The following MTA3 variants were observed in gnomAD, a reference collection of about 807,000 sequenced individuals.
The protein encoded by MTA3 is metastasis-associated protein MTA3.
MTA3 carries 34 observed loss-of-function variants against 83.5 expected under a neutral mutation model. That is an observed-to-expected ratio of 0.41 (90% CI 0.31 to 0.54). The LOEUF is 0.54. MTA3 is among the 20% of genes least tolerant of loss of function. The probability of loss-of-function intolerance (pLI) is 0.33; values close to 1 mark genes in which losing one functional copy is unlikely to be tolerated. For synonymous variants in MTA3, 303 were observed against 252.7 expected (o/e 1.20, Z -1.89); for missense variants, 761 against 726.4 (o/e 1.05, Z -0.55).
In MTA3 at chr2:42,644,264, T is replaced by C. The variant is rs765481760; in HGVS notation, c.499+20T>C. On this transcript the variant is annotated intron_variant, in intron 6 of 16. Transcript: ENST00000405094. The stretch of plus-strand genomic sequence containing the variant: ...TAGAAGGTACGTTTTTCTGCGTGTT[T>C]GCAGTTTTGTGAAACAAATATATCT... 1.8e-5 allele frequency: 27 copies of C among 1,530,082 alleles called. No individual in the cohort carries two copies. In the Admixed American group the frequency reaches 4.2e-4, roughly 24 times the overall value. 94.8% of individuals were successfully genotyped at this position (1,530,082 alleles called of 1,614,324 possible).
intron 3 of MTA3, among the ~76,000 whole-genome samples, chr2:42,605,066 G>A (rs1262228578): frequency 5.3e-5 from 8 of 150,908 alleles, no homozygotes; most frequent in Admixed American, 1.3e-4. Flanking sequence ...AGCTGCCATT[G>A]TCATCCTGGC....
In MTA3 at chr2:42,532,379, G is replaced by A. The variant is rs377374643; in HGVS notation, c.-141+37125G>A. ...ACAAAAATTAGCCAGGTGTCATGGC[G>A]GGTGACTGTAATCCCAACTACCTGG... On this transcript the variant is annotated intron_variant, in intron 2 of 17. Transcript: ENST00000405592. 5.3e-5 allele frequency among the ~76,000 whole-genome samples: 8 copies of A among 152,188 alleles called. No homozygotes were observed. The East Asian group carries it at 5.8e-4, about 11-fold the overall frequency.
chr2:42,510,528 C>A (rs1674849766), intron 2 of MTA3, among the ~76,000 whole-genome samples: 1 of 152,156 alleles, frequency 6.6e-6, no homozygotes, highest in South Asian at 2.1e-4. Flanking sequence ...AAGGAGGGAA[C>A]TGTTCACTAT....
chr2:42,704,030 G>T, intron 11 of MTA3, 164 bp from the exon 12 acceptor site: 1 of 709,904 alleles, frequency 1.4e-6, no homozygotes, highest in Non-Finnish European at 2.3e-6. Flanking sequence ...GATGAGTAGT[G>T]TGAGTTCATT....
intron 8 of MTA3, among the ~76,000 whole-genome samples, chr2:42,679,397 A>G (rs1691666931): frequency 6.6e-6 from 1 of 152,196 alleles, no homozygotes; most frequent in South Asian, 2.1e-4. Context: ...CGCTATCATT[A>G]AGCAAATTGA....
intron 2 of MTA3, among the ~76,000 whole-genome samples, chr2:42,495,661 A>G (rs1674097144): frequency 6.6e-6 from 1 of 152,206 alleles, no homozygotes; most frequent in African/African-American, 2.4e-5. Flanking sequence ...GCACTTGCCC[A>G]CTGAAACAAT....
At chr2:42,642,644 GTT>G (rs1198386196) in intron 5 of MTA3, among the ~76,000 whole-genome samples, 4 of 135,756 alleles carry the variant, frequency 2.9e-5, no homozygotes, top group Non-Finnish European at 1.6e-5. Flanking sequence ...TGTTAAGTTG[GTT>G]TTTTTTTTTT....
At chr2:42,601,477 T>A (rs1156280540) in intron 3 of MTA3, among the ~76,000 whole-genome samples, 6 of 152,160 alleles carry the variant, frequency 3.9e-5, no homozygotes, top group Admixed American at 6.6e-5. Flanking sequence ...GCCTTGTCTG[T>A]TTTGTTGTTG....
chr2:42,699,482 T>C (rs1693672838), intron 11 of MTA3, among the ~76,000 whole-genome samples: 1 of 152,208 alleles, frequency 6.6e-6, no homozygotes, highest in African/African-American at 2.4e-5. Context: ...TAAGATCACC[T>C]GCTATATGTT....
At chr2:42,685,406 C>A (rs1317917481) in intron 9 of MTA3, among the ~76,000 whole-genome samples, 1 of 152,128 alleles carries the variant, frequency 6.6e-6, no homozygotes, top group Admixed American at 6.5e-5. Flanking sequence ...CTTTGAAAGT[C>A]ACACTTCAGA....
chr2:42,632,805 C>T (rs1196081396), intron 4 of MTA3, among the ~76,000 whole-genome samples: 1 of 152,138 alleles, frequency 6.6e-6, no homozygotes, highest in Non-Finnish European at 1.5e-5. Flanking sequence ...TTTGTGTACA[C>T]ACAAACAGAT....
Position 42,548,424 on chromosome 2 carries a change from C to T in MTA3, c.-140-22013C>T, listed in dbSNP as rs577660768. Among the ~76,000 whole-genome samples the T allele has an allele frequency of 2.1e-3, 312 of 152,096 alleles. 1 individual carries two copies. The highest frequency in any genetic ancestry group is 7.3e-3 in the African/African-American group (303 of 41,514). On this transcript the variant is annotated intron_variant, in intron 2 of 17. Transcript: ENST00000405592. ...GAGGTTGCAGTGAGCCGAAATTGCT[C>T]CACTGCACCCCAGCCTGGGCAGCAA...
At chr2:42,555,260 C>T (rs576577855) in intron 2 of MTA3, among the ~76,000 whole-genome samples, 44 of 150,976 alleles carry the variant, frequency 2.9e-4, no homozygotes, top group African/African-American at 8.8e-4. Context: ...GTCGGGAGTT[C>T]GAGACCAGCC....
At chr2:42,609,425 T>C in intron 3 of MTA3, 33 bp from the exon 4 acceptor site, 1 of 1,602,332 alleles carries the variant, frequency 6.2e-7, no homozygotes, top group Non-Finnish European at 8.5e-7. Flanking sequence ...ATGTGCTTTG[T>C]ACTAATAAAT....
At position 42,542,549 on chromosome 2, in the gene MTA3, A is replaced by T. The variant is rs188672977; in HGVS notation, c.-140-27888A>T. Among the ~76,000 whole-genome samples, 721 of 151,976 alleles carry T rather than the reference A, an allele frequency of 4.7e-3. 10 individuals carry two copies. The highest frequency in any genetic ancestry group is 5.6e-3 in the South Asian group (27 of 4,802). ...GAAATCATACATAATCTTTTATTTT[A>T]TTTATTTATTTATTTATTTTGAGAC... On this transcript the variant is annotated intron_variant, in intron 2 of 17. Coordinates refer to the MTA3 transcript ENST00000405592.
chr2:42,519,001 ACACACACACAC>A, intron 2 of MTA3, among the ~76,000 whole-genome samples: 1 of 149,638 alleles, frequency 6.7e-6, no homozygotes, highest in Non-Finnish European at 1.5e-5. Context: ...ACACACACAC[ACACACACACAC>A]ACACACACAC....
At chr2:42,739,087 C>T (rs1349594913) in intron 16 of MTA3, among the ~76,000 whole-genome samples, 4 of 152,132 alleles carry the variant, frequency 2.6e-5, no homozygotes, top group East Asian at 3.9e-4. Flanking sequence ...GTCTGTCACC[C>T]ACACCTATTT....
intron 5 of MTA3, among the ~76,000 whole-genome samples, chr2:42,641,215 T>G (rs1194971000): frequency 6.6e-6 from 1 of 151,552 alleles, no homozygotes; most frequent in Non-Finnish European, 1.5e-5. Flanking sequence ...CCGGTTTTTT[T>G]TTTTTTTTTT....
intron 4 of MTA3, among the ~76,000 whole-genome samples, chr2:42,624,402 A>G (rs780032231): frequency 2.5e-4 from 38 of 151,854 alleles, no homozygotes; most frequent in Non-Finnish European, 4.4e-4. Flanking sequence ...GCTCACTGCA[A>G]CCTCCACCTC....
Sources: gnomAD v4.1 joint callset for allele counts (sites outside exome capture counted in the v4.1 genomes callset) on GRCh38, gnomAD v4.1.1 for gene constraint, MANE v1.5 for transcripts, NCBI Gene and HGNC (gene_info 2026-07-23, HGNC 2026-07-21) for gene names.